The following STXBP4 variants were observed in gnomAD, a reference collection of about 807,000 sequenced individuals.
STXBP4 encodes the protein syntaxin-binding protein 4.
Under a neutral mutation model 76.1 loss-of-function variants are expected in STXBP4, and 55 were observed. That is an observed-to-expected ratio of 0.72 (90% confidence interval 0.58 to 0.91). The LOEUF is 0.91. Among genes scored for constraint, STXBP4 ranks in the 40% least tolerant of loss-of-function variants. STXBP4 has a pLI of 0.00. For missense variants in STXBP4, 618 were observed against 636.9 expected (o/e 0.97, Z 0.32); for synonymous variants, 201 against 220.2 (o/e 0.91, Z 0.77).
chr17:55,129,096 A>T (rs1395781633), intron 16 of STXBP4, among the ~76,000 whole-genome samples: 4 of 150,810 alleles, frequency 2.7e-5, no homozygotes, highest in Non-Finnish European at 5.9e-5. Flanking sequence ...CACCCGGCTA[A>T]TTTTTGCATT....
chr17:55,061,402 A>G (rs1481714915), intron 12 of STXBP4, among the ~76,000 whole-genome samples: 2 of 152,278 alleles, frequency 1.3e-5, no homozygotes, highest in East Asian at 1.9e-4. Context: ...AATTTTTACT[A>G]GTTTTTCAGT....
intron 12 of STXBP4, among the ~76,000 whole-genome samples, chr17:55,061,820 C>G (rs1336131770): frequency 1.3e-5 from 2 of 152,086 alleles, no homozygotes; most frequent in Non-Finnish European, 2.9e-5. Flanking sequence ...GTAGGTTGTT[C>G]CTTCTTATTG....
intron 8 of STXBP4, among the ~76,000 whole-genome samples, chr17:55,014,360 G>A (rs1345638789): frequency 6.6e-6 from 1 of 152,120 alleles, no homozygotes; most frequent in Non-Finnish European, 1.5e-5. Context: ...TTGCTAGAAT[G>A]TCTCTCCCTA....
chr17:55,182,854 G>C, the STXBP4 span, among the ~76,000 whole-genome samples: 1 of 152,040 alleles, frequency 6.6e-6, no homozygotes, highest in Non-Finnish European at 1.5e-5. Flanking sequence ...TGGCAATAAT[G>C]GCTTTTAAGA....
chr17:55,153,764 TA>T (rs2080242452), intron 17 of STXBP4, among the ~76,000 whole-genome samples: 1 of 152,206 alleles, frequency 6.6e-6, no homozygotes, highest in Non-Finnish European at 1.5e-5. Context: ...AGGGGGAATT[TA>T]ACGTGGAAAC....
chr17:55,119,118 G>C (rs985699898), intron 16 of STXBP4, among the ~76,000 whole-genome samples: 38 of 152,038 alleles, frequency 2.5e-4, no homozygotes, highest in Non-Finnish European at 3.5e-4. Context: ...CCACTTGCCA[G>C]ATTAGCCAAC....
rs776527202 is a variant in STXBP4, at chr17:54,996,588, A to T, written c.181-2757A>T. Among the ~76,000 whole-genome samples, 19 of 152,170 alleles carry T rather than the reference A, an allele frequency of 1.2e-4. 1 individual carries two copies. Among genetic ancestry groups the T allele is most frequent in the South Asian group, 2.1e-4 (1 of 4,834 alleles). ...GTGCTATAATTTACATATGTTACTT[A>T]ATTCTTATAGCAACCTTGTGTTACA... On this transcript the variant is annotated intron_variant, in intron 4 of 17. Transcript: ENST00000376352.
intron 16 of STXBP4, among the ~76,000 whole-genome samples, chr17:55,108,590 G>A (rs2079666780): frequency 6.6e-6 from 1 of 152,214 alleles, no homozygotes; most frequent in Non-Finnish European, 1.5e-5. Context: ...TGTGGGAAAA[G>A]CATAGTATCT....
intron 3 of STXBP4, among the ~76,000 whole-genome samples, chr17:54,988,576 C>T (rs995562979): frequency 1.2e-4 from 19 of 152,074 alleles, no homozygotes; most frequent in African/African-American, 4.6e-4. Flanking sequence ...GAGTTCGAGA[C>T]CAGCCTGGCC....
chr17:55,101,938 A>G (rs1452555174), intron 16 of STXBP4, among the ~76,000 whole-genome samples: 1 of 148,658 alleles, frequency 6.7e-6, no homozygotes. Context: ...TGTGTTCTCT[A>G]TCTTTGCATC....
intron 13 of STXBP4, among the ~76,000 whole-genome samples, chr17:55,075,086 G>T (rs1048050200): frequency 1.3e-5 from 2 of 151,424 alleles, no homozygotes; most frequent in African/African-American, 4.9e-5. Flanking sequence ...TTCAACATAA[G>T]AAATAAAACA....
At chr17:55,072,863 T>C (rs927167706) in intron 12 of STXBP4, 37 bp from the exon 13 acceptor site, 1 of 1,551,558 alleles carries the variant, frequency 6.4e-7, no homozygotes, top group Non-Finnish European at 8.7e-7. Flanking sequence ...CTATTTCTTA[T>C]GTATTTTTTA....
chr17:54,971,542 T>A (rs1471322760), intron 1 of STXBP4, among the ~76,000 whole-genome samples: 3 of 152,206 alleles, frequency 2.0e-5, no homozygotes, highest in Non-Finnish European at 4.4e-5. Flanking sequence ...AATTACTTCC[T>A]AATCCAAATA....
chr17:54,989,053 T>C (rs1311109044), intron 3 of STXBP4, among the ~76,000 whole-genome samples: 2 of 152,268 alleles, frequency 1.3e-5, no homozygotes, highest in South Asian at 4.1e-4. Flanking sequence ...TTAGAATTTC[T>C]ACGGCAGAAG....
chr17:55,103,017 C>T (rs2079585294), intron 16 of STXBP4, among the ~76,000 whole-genome samples: 1 of 152,080 alleles, frequency 6.6e-6, no homozygotes. Context: ...TTTGTAGATT[C>T]TGGGTATTAA....
chr17:55,142,752 A>C (rs929343723), intron 17 of STXBP4, among the ~76,000 whole-genome samples: 1 of 152,202 alleles, frequency 6.6e-6, no homozygotes, highest in Non-Finnish European at 1.5e-5. Flanking sequence ...TTTCATGCTG[A>C]ATTTTTTTCT....
intron 1 of STXBP4, among the ~76,000 whole-genome samples, chr17:54,980,791 A>C (rs1236329560): frequency 2.0e-5 from 3 of 152,208 alleles, no homozygotes; most frequent in Admixed American, 2.0e-4. Flanking sequence ...CCTGCCTCAC[A>C]AGGTCACTGT....
chr17:55,143,952 A>G (rs1040157486), intron 17 of STXBP4, among the ~76,000 whole-genome samples: 3 of 151,984 alleles, frequency 2.0e-5, no homozygotes, highest in African/African-American at 7.2e-5. Context: ...ACACAGTAAT[A>G]AAATTGCAGA....
At chr17:55,193,293 A>T in the STXBP4 span, among the ~76,000 whole-genome samples, 2 of 152,180 alleles carry the variant, frequency 1.3e-5, no homozygotes, top group Admixed American at 6.5e-5. Context: ...ACCACGTTAG[A>T]TGAAAGGACC....
Sources: allele counts gnomAD v4.1 joint callset (sites outside exome capture counted in the v4.1 genomes callset), GRCh38; gene constraint gnomAD v4.1.1; transcripts MANE v1.5; gene names NCBI Gene and HGNC (gene_info 2026-07-23, HGNC 2026-07-21).